Variants in DCC observed in about 807,000 individuals in gnomAD.
DCC encodes the protein DCC netrin 1 receptor, also known as netrin receptor DCC.
In DCC, 58 loss-of-function variants were observed where a neutral mutation model predicts 172.5. That is an observed-to-expected ratio of 0.34 (90% CI 0.27 to 0.42). The LOEUF (loss-of-function observed/expected upper bound fraction) is 0.42, where lower values mean the gene tolerates loss of function less well. Ranked by LOEUF, DCC falls within the 10% of genes least tolerant of loss-of-function variation. The probability of loss-of-function intolerance (pLI) is 1.00; values close to 1 mark genes in which losing one functional copy is unlikely to be tolerated. For synonymous variants in DCC, 709 were observed against 644.5 expected (o/e 1.10, Z -1.52); for missense variants, 1,740 against 1,791.0 (o/e 0.97, Z 0.51).
chr18:53,413,305 T>G (rs1335580638), intron 20 of DCC, among the ~76,000 whole-genome samples: 2 of 152,224 alleles, frequency 1.3e-5, no homozygotes, highest in African/African-American at 4.8e-5. Flanking sequence ...TCCAAGAATA[T>G]AGCACTGAAA....
intron 26 of DCC, among the ~76,000 whole-genome samples, chr18:53,496,180 G>A (rs2046021181): frequency 6.6e-6 from 1 of 150,760 alleles, no homozygotes; most frequent in African/African-American, 2.4e-5. Context: ...CCTCCCAGTT[G>A]GAGCTGACAG....
intron 12 of DCC, among the ~76,000 whole-genome samples, chr18:53,245,770 C>A (rs999520530): frequency 9.9e-5 from 15 of 152,074 alleles, no homozygotes; most frequent in Non-Finnish European, 1.5e-5. Flanking sequence ...GAACAAAAAT[C>A]TCAACAGTCT....
intron 2 of DCC, among the ~76,000 whole-genome samples, chr18:52,794,867 T>C (rs1003049098): frequency 1.3e-5 from 2 of 151,968 alleles, no homozygotes; most frequent in Non-Finnish European, 2.9e-5. Context: ...TTTATCTTTT[T>C]GATGCCTGTT....
chr18:52,970,014 GAC>G (rs2041003808), intron 5 of DCC, among the ~76,000 whole-genome samples: 1 of 150,620 alleles, frequency 6.6e-6, no homozygotes, highest in Non-Finnish European at 1.5e-5. Flanking sequence ...GACTTGATTT[GAC>G]ACATAATATT....
rs1291636450 is a variant in DCC, at chr18:53,179,055, T to G, written c.1512T>G (p.Ala504=). 6.2e-7 allele frequency: 1 copy of G among 1,614,030 alleles called. No homozygotes were observed. Among genetic ancestry groups the G allele is most frequent in the Non-Finnish European group, 8.5e-7 (1 of 1,179,944 alleles). ...CCATGTACACCTTTCGAGTTGTGGC[T>G]TACAATGAATGGGGACCGGGAGAGA... is the stretch of plus-strand genomic sequence containing the variant. The part of the protein sequence containing the change: ...PEAMYTFRVV[A]YNEWGPGESS... Residue 504 remains alanine, a synonymous_variant, in exon 9 of 29, where the codon GCT becomes GCG. Transcript: ENST00000442544.
At chr18:53,298,394 G>C (rs1441328867) in intron 12 of DCC, among the ~76,000 whole-genome samples, 1 of 151,662 alleles carries the variant, frequency 6.6e-6, no homozygotes, top group African/African-American at 2.4e-5. Context: ...AAAGTATTTA[G>C]CCGGACTATG....
intron 1 of DCC, among the ~76,000 whole-genome samples, chr18:52,415,646 G>A (rs973195750): frequency 3.3e-5 from 5 of 152,084 alleles, no homozygotes; most frequent in Admixed American, 6.5e-5. Flanking sequence ...AGGTGATTAG[G>A]GAGGCTGTAC....
At chr18:52,880,647 A>ACT (rs1439252846) in intron 2 of DCC, among the ~76,000 whole-genome samples, 1 of 152,202 alleles carries the variant, frequency 6.6e-6, no homozygotes, top group East Asian at 1.9e-4. Flanking sequence ...TTCACTTAAC[A>ACT]TAATGACCTC....
intron 2 of DCC, among the ~76,000 whole-genome samples, chr18:52,773,205 A>G (rs1308361091): frequency 6.6e-6 from 1 of 152,226 alleles, no homozygotes; most frequent in East Asian, 1.9e-4. Flanking sequence ...CTATGTGTTA[A>G]GATTTATTCT....
At chr18:52,376,511 A>G (rs1451724351) in intron 1 of DCC, among the ~76,000 whole-genome samples, 6 of 142,648 alleles carry the variant, frequency 4.2e-5, no homozygotes, top group Admixed American at 1.4e-4. Context: ...GTGTGTGTAT[A>G]TGTGTGTACA....
intron 12 of DCC, among the ~76,000 whole-genome samples, chr18:53,302,796 T>A (rs758552939): frequency 2.4e-4 from 36 of 152,176 alleles, no homozygotes; most frequent in Non-Finnish European, 4.9e-4. Context: ...TTTTCTAATA[T>A]CGAGTGTTGT....
At chr18:53,319,576 T>A (rs1036061252) in intron 13 of DCC, among the ~76,000 whole-genome samples, 6 of 152,204 alleles carry the variant, frequency 3.9e-5, no homozygotes, top group Non-Finnish European at 8.8e-5. Flanking sequence ...GGTATATCAG[T>A]CAGATTTTCA....
At chr18:52,848,685 C>G (rs1330605734) in intron 2 of DCC, among the ~76,000 whole-genome samples, 1 of 152,230 alleles carries the variant, frequency 6.6e-6, no homozygotes, top group East Asian at 1.9e-4. Flanking sequence ...CAGGCTCTGA[C>G]TTTACTAATA....
chr18:53,109,137 T>C (rs1187880521), intron 7 of DCC, among the ~76,000 whole-genome samples: 1 of 151,532 alleles, frequency 6.6e-6, no homozygotes, highest in Admixed American at 6.6e-5. Context: ...TGTACTTCCC[T>C]GATGACTAAT....
At chr18:52,778,603 C>A (rs897133235) in intron 2 of DCC, among the ~76,000 whole-genome samples, 1 of 152,134 alleles carries the variant, frequency 6.6e-6, no homozygotes, top group Non-Finnish European at 1.5e-5. Flanking sequence ...TTTCCCATAT[C>A]TCATACTGGT....
At chr18:53,110,142 C>A (rs200582104) in intron 7 of DCC, among the ~76,000 whole-genome samples, 20 of 151,552 alleles carry the variant, frequency 1.3e-4, no homozygotes, top group Middle Eastern at 3.4e-3. Flanking sequence ...TCTCACTATC[C>A]CTGAGTTAGA....
chr18:53,133,468 C>T (rs1201801628), intron 7 of DCC, among the ~76,000 whole-genome samples: 2 of 152,166 alleles, frequency 1.3e-5, no homozygotes, highest in African/African-American at 4.8e-5. Context: ...AACACATTCT[C>T]TACCCCTTTG....
chr18:53,112,030 G>A (rs1356155264), intron 7 of DCC, among the ~76,000 whole-genome samples: 1 of 151,390 alleles, frequency 6.6e-6, no homozygotes, highest in African/African-American at 2.4e-5. Flanking sequence ...CTGTTTTCAC[G>A]ATTGCTTTTG....
chr18:53,342,488 A>T lies in DCC; in HGVS notation c.2359+2581A>T, dbSNP rs531006752. On this transcript the variant is annotated intron_variant, in intron 15 of 28. Transcript: ENST00000442544. ...TATCTATCAATTTATCTATCTTTAT[A>T]TCTTTATTCAGATATTATTTATATA... is the stretch of plus-strand genomic sequence containing the variant. 3.3e-5 allele frequency among the ~76,000 whole-genome samples: 5 copies of T among 151,804 alleles called. No homozygotes were observed. In the South Asian group the frequency reaches 1.0e-3, roughly 31 times the overall value.
Sources: allele counts gnomAD v4.1 joint callset (sites outside exome capture counted in the v4.1 genomes callset), GRCh38; gene constraint gnomAD v4.1.1; transcripts MANE v1.5; gene names NCBI Gene and HGNC (gene_info 2026-07-23, HGNC 2026-07-21).